The following SLC8A1 variants were observed in gnomAD, a reference collection of about 807,000 sequenced individuals.
The protein encoded by SLC8A1 is sodium/calcium exchanger 1.
Under a neutral mutation model 68.3 loss-of-function variants are expected in SLC8A1, and 18 were observed. That is an observed-to-expected ratio of 0.26 (90% CI 0.18 to 0.39). The LOEUF is 0.39. Among genes scored for constraint, SLC8A1 ranks in the 10% least tolerant of loss-of-function variants. SLC8A1 has a pLI of 1.00. For missense variants in SLC8A1, 985 were observed against 1,156.7 expected (o/e 0.85, Z 2.15); for synonymous variants, 475 against 415.5 (o/e 1.14, Z -1.74).
At chr2:40,403,464 T>C (rs1689365052) in intron 2 of SLC8A1, among the ~76,000 whole-genome samples, 1 of 152,184 alleles carries the variant, frequency 6.6e-6, no homozygotes. Context: ...AATGTCTTTA[T>C]GCGTACCAAA....
intron 5 of SLC8A1, among the ~76,000 whole-genome samples, 173 bp downstream of exon 8, chr2:40,164,681 C>T (rs2046253573): frequency 6.6e-6 from 1 of 152,124 alleles, no homozygotes; most frequent in African/African-American, 2.4e-5. Context: ...CTCCTTGGTT[C>T]CTGATTAACT....
intron 2 of SLC8A1, among the ~76,000 whole-genome samples, chr2:40,362,840 T>G (rs866046521): frequency 6.6e-6 from 1 of 152,176 alleles, no homozygotes. Flanking sequence ...CTCATAATTA[T>G]AAACTGAACT....
At chr2:40,427,732 C>T (rs1697255048) in intron 2 of SLC8A1, among the ~76,000 whole-genome samples, 2 of 152,126 alleles carry the variant, frequency 1.3e-5, no homozygotes, top group Non-Finnish European at 2.9e-5. Context: ...TTTTCTCTGA[C>T]CTGCTCCCTG....
At chr2:40,302,031 CTG>C (rs374407377) in intron 2 of SLC8A1, among the ~76,000 whole-genome samples, 16,188 of 132,060 alleles carry the variant, frequency 0.12, 900 homozygotes, top group African/African-American at 0.18. Flanking sequence ...CCGGGCTAAT[CTG>C]TGTGTGTGTG....
In SLC8A1 at chr2:40,383,606, A is replaced by G. The variant is rs185287008; in HGVS notation, c.1808+44867T>C. On this transcript the variant is annotated intron_variant, in intron 2 of 7. Coordinates refer to ENST00000406785, the Ensembl canonical transcript of SLC8A1. The stretch of plus-strand genomic sequence containing the variant: ...GAAGTAGGTACTAACAGAGAAAAAA[A>G]TTAAATCTTAGATAAAAAAATTTGC... Among the ~76,000 whole-genome samples the G allele has an allele frequency of 5.5e-4, 83 of 152,266 alleles. No individual in the cohort carries two copies. In the East Asian group the frequency reaches 0.015, roughly 28 times the overall value.
chr2:40,413,174 C>G (rs1692712717), intron 2 of SLC8A1, among the ~76,000 whole-genome samples: 1 of 152,150 alleles, frequency 6.6e-6, no homozygotes, highest in Non-Finnish European at 1.5e-5. Flanking sequence ...CTAGTTCAAC[C>G]ATTGTGGAAG....
chr2:40,133,268 C>T (rs945348363), intron 7 of SLC8A1, among the ~76,000 whole-genome samples: 1 of 152,002 alleles, frequency 6.6e-6, no homozygotes, highest in Non-Finnish European at 1.5e-5. Context: ...CCAGGGTAAC[C>T]AGTTTTATAT....
At chr2:40,461,547 C>A (rs1016098527) in intron 1 of SLC8A1, among the ~76,000 whole-genome samples, 1 of 152,180 alleles carries the variant, frequency 6.6e-6, no homozygotes, top group African/African-American at 2.4e-5. Context: ...CCCTGCACAA[C>A]CACCAGACAT....
intron 6 of SLC8A1, among the ~76,000 whole-genome samples, chr2:40,153,939 A>G (rs34682771): frequency 0.016 from 2,506 of 152,300 alleles, 22 homozygotes; most frequent in Non-Finnish European, 0.026. Context: ...AGATTAAAAG[A>G]CTTGTTAACT....
intron 2 of SLC8A1, among the ~76,000 whole-genome samples, chr2:40,335,715 A>T (rs1035713963): frequency 2.2e-4 from 33 of 152,250 alleles, no homozygotes; most frequent in African/African-American, 7.2e-4. Context: ...TACATAGATC[A>T]TGAAACTGAC....
In SLC8A1 at chr2:40,258,124, T is replaced by C. The variant is rs375432924; in HGVS notation, c.1809-80269A>G. 4.5e-4 allele frequency among the ~76,000 whole-genome samples: 69 copies of C among 152,306 alleles called. 1 individual carries two copies. The highest frequency in any genetic ancestry group is 1.4e-3 in the African/African-American group (60 of 41,560). ...CCCTGCACAGGCCTGTAATTTATCA[T>C]CACAGAAAAAGCACATAAAGAAAAA... On this transcript the variant is annotated intron_variant, in intron 2 of 7. Coordinates refer to ENST00000406785, the Ensembl canonical transcript of SLC8A1.
intron 2 of SLC8A1, among the ~76,000 whole-genome samples, chr2:40,346,513 T>C (rs914333533): frequency 4.6e-5 from 7 of 152,154 alleles, no homozygotes; most frequent in Non-Finnish European, 1.0e-4. Context: ...CCTAGGACCA[T>C]GCCGCCGTCA....
intron 2 of SLC8A1, among the ~76,000 whole-genome samples, chr2:40,326,476 A>G (rs2075837645): frequency 6.6e-6 from 1 of 152,076 alleles, no homozygotes; most frequent in Admixed American, 6.5e-5. Context: ...GAAAGGGAAC[A>G]TCAGAGAGTT....
chr2:40,478,917 G>T (rs950566728), intron 1 of SLC8A1, among the ~76,000 whole-genome samples: 4 of 151,818 alleles, frequency 2.6e-5, no homozygotes, highest in Admixed American at 6.6e-5. Flanking sequence ...GATTATAGGC[G>T]CCCGCCACCA....
intron 2 of SLC8A1, among the ~76,000 whole-genome samples, chr2:40,253,111 G>T (rs183369351): frequency 9.4e-6 from 1 of 106,224 alleles, no homozygotes; most frequent in Non-Finnish European, 1.8e-5. Flanking sequence ...ACATATATAC[G>T]TGTATACATA....
At chr2:40,336,454 C>T (rs970031591) in intron 2 of SLC8A1, among the ~76,000 whole-genome samples, 4 of 152,108 alleles carry the variant, frequency 2.6e-5, no homozygotes, top group East Asian at 3.8e-4. Flanking sequence ...GGTCAGGCCT[C>T]GGTACTCCTG....
intron 7 of SLC8A1, 58 bp downstream of exon 10, chr2:40,139,343 T>G: frequency 1.3e-6 from 2 of 1,581,488 alleles, no homozygotes; most frequent in South Asian, 2.3e-5. Context: ...AAAGAAAGTG[T>G]CAAGAAGGCA....
intron 5 of SLC8A1, among the ~76,000 whole-genome samples, chr2:40,162,710 C>T (rs536487076): frequency 3.9e-5 from 6 of 152,238 alleles, no homozygotes; most frequent in South Asian, 4.1e-4. Context: ...AACTTGGACA[C>T]TGTTGTCTGT....
intron 2 of SLC8A1, among the ~76,000 whole-genome samples, chr2:40,365,447 G>A (rs999066630): frequency 6.6e-6 from 1 of 152,064 alleles, no homozygotes; most frequent in South Asian, 2.1e-4. Context: ...ATATAACAGA[G>A]AAATAATTAA....
Sources: gnomAD v4.1 joint callset for allele counts (sites outside exome capture counted in the v4.1 genomes callset) on GRCh38, gnomAD v4.1.1 for gene constraint, MANE v1.5 for transcripts, NCBI Gene and HGNC (gene_info 2026-07-23, HGNC 2026-07-21) for gene names.